EPC2: variants seen among roughly 807,000 people sequenced by gnomAD.
EPC2 encodes enhancer of polycomb homolog 2.
EPC2 carries 14 observed loss-of-function variants against 92.1 expected under a neutral mutation model. The ratio of observed to expected loss-of-function variants is 0.15; its 90% CI spans 0.10 to 0.24. The LOEUF (loss-of-function observed/expected upper bound fraction) is 0.24, where lower values mean the gene tolerates loss of function less well. Ranked by LOEUF, EPC2 falls within the 10% of genes least tolerant of loss-of-function variation. The probability of loss-of-function intolerance (pLI) is 1.00; values close to 1 mark genes in which losing one functional copy is unlikely to be tolerated. For synonymous variants in EPC2, 340 were observed against 334.7 expected (o/e 1.02, Z -0.17); for missense variants, 755 against 971.5 (o/e 0.78, Z 2.96).
At chr2:148,720,094 C>T (rs1043413069) in intron 2 of EPC2, among the ~76,000 whole-genome samples, 7 of 152,028 alleles carry the variant, frequency 4.6e-5, no homozygotes, top group Non-Finnish European at 7.4e-5. Flanking sequence ...GACACTTTGT[C>T]CCAGGGAGAG....
At chr2:148,695,222 A>AAC (rs1469929503) in intron 2 of EPC2, among the ~76,000 whole-genome samples, 1 of 152,230 alleles carries the variant, frequency 6.6e-6, no homozygotes, top group African/African-American at 2.4e-5. Flanking sequence ...ACAAACATAG[A>AAC]ACAGTAGACG....
intron 5 of EPC2, chr2:148,762,138 G>T: frequency 2.6e-6 from 1 of 382,670 alleles, no homozygotes; most frequent in Non-Finnish European, 4.6e-6. Context: ...AGAGTTTTGT[G>T]TATACTGTAG....
At chr2:148,713,671 C>T (rs1682200379) in intron 2 of EPC2, among the ~76,000 whole-genome samples, 1 of 152,010 alleles carries the variant, frequency 6.6e-6, no homozygotes, top group Non-Finnish European at 1.5e-5. Context: ...CATTTTTTAT[C>T]TTTTATACCA....
chr2:148,712,576 A>T (rs1229050697), intron 2 of EPC2, among the ~76,000 whole-genome samples: 1 of 152,204 alleles, frequency 6.6e-6, no homozygotes, highest in Non-Finnish European at 1.5e-5. Flanking sequence ...ACAAATCTGC[A>T]TTGCCAGTTA....
At chr2:148,742,571 A>C (rs1162439365) in intron 2 of EPC2, among the ~76,000 whole-genome samples, 1 of 152,044 alleles carries the variant, frequency 6.6e-6, no homozygotes, top group Non-Finnish European at 1.5e-5. Flanking sequence ...GCTTGAGCCC[A>C]GGAGTTCCAG....
chr2:148,645,351 G>A (rs769829271), intron 1 of EPC2, 181 bp downstream of exon 1: 9 of 569,848 alleles, frequency 1.6e-5, no homozygotes, highest in Non-Finnish European at 2.2e-5. Context: ...GCCCGCCCGC[G>A]GCCGCCATGT....
chr2:148,680,157 T>C (rs1355786510), intron 1 of EPC2, among the ~76,000 whole-genome samples: 1 of 152,092 alleles, frequency 6.6e-6, no homozygotes, highest in Non-Finnish European at 1.5e-5. Context: ...TCTGCCTCGC[T>C]TATTTATTTC....
At chr2:148,720,688 T>A (rs1198285018) in intron 2 of EPC2, among the ~76,000 whole-genome samples, 1 of 152,188 alleles carries the variant, frequency 6.6e-6, no homozygotes, top group African/African-American at 2.4e-5. Flanking sequence ...AAGCGTGGTT[T>A]CCCTGGGTCG....
At chr2:148,646,042 C>G (rs1161228045) in intron 1 of EPC2, among the ~76,000 whole-genome samples, 2 of 152,320 alleles carry the variant, frequency 1.3e-5, no homozygotes, top group East Asian at 3.9e-4. Context: ...TTAAATTTTG[C>G]AGACGGTTGG....
Position 148,771,209 on chromosome 2 carries a change from T to A in EPC2, c.1542T>A (p.Ser514=). Reference sequence around the variant, plus strand: ...ATTGTGAAAATAGACTGTCTCTTTCTGAAATATTAAGCAATATCAGATCAT... The same window carrying A: ...ATTGTGAAAATAGACTGTCTCTTTCAGAAATATTAAGCAATATCAGATCAT... ...SKHCENRLSL[S]EILSNIRSCR... is the part of the protein sequence containing the mutation. The change falls in exon 10 of 14, where the codon TCT becomes TCA. Residue 514 remains serine, a synonymous_variant. Coordinates refer to ENST00000258484, the MANE Select transcript of EPC2 (RefSeq NM_015630.4). 1 of 1,613,988 alleles carries A rather than the reference T, an allele frequency of 6.2e-7. No individual in the cohort carries two copies. The highest frequency in any genetic ancestry group is 8.5e-7 in the Non-Finnish European group (1 of 1,179,872).
At chr2:148,747,222 ACC>A (rs1683002130) in intron 3 of EPC2, among the ~76,000 whole-genome samples, 1 of 151,990 alleles carries the variant, frequency 6.6e-6, no homozygotes, top group Non-Finnish European at 1.5e-5. Flanking sequence ...CCATAGAAAG[ACC>A]ACTCCTGCCC....
chr2:148,712,240 T>G (rs772767795), intron 2 of EPC2, among the ~76,000 whole-genome samples: 89 of 151,096 alleles, frequency 5.9e-4, no homozygotes, highest in Middle Eastern at 3.4e-3. Flanking sequence ...TTTGTGTGTG[T>G]GGGGGTGTGT....
chr2:148,662,585 C>T (rs1036870786), intron 1 of EPC2, among the ~76,000 whole-genome samples: 13 of 151,564 alleles, frequency 8.6e-5, no homozygotes, highest in East Asian at 1.9e-4. Context: ...CCAAACACCG[C>T]GTGTTGTCAC....
rs918616776 is a variant in EPC2 at position 148,787,240 on chromosome 2, A to G, written c.*863A>G. ...TACTTTACCAGGTATGTATTGCATT[A>G]TATCATTGCAATAATTATTGGAAGT... is the stretch of plus-strand genomic sequence containing the variant. On this transcript the variant is annotated 3_prime_UTR_variant, in exon 14 of 14. Transcript: ENST00000258484. 2.7e-5 allele frequency: 4 copies of G among 150,290 alleles called. No individual in the cohort carries two copies. The highest frequency in any genetic ancestry group is 5.9e-5 in the Non-Finnish European group (4 of 67,560). The allele number at this position is 150,290 out of a possible 1,614,324, so 9.3% of individuals were successfully genotyped here. A position where few individuals can be genotyped will look rare whatever the true frequency, so the allele number is the denominator to read the frequency against.
At chr2:148,714,211 C>T (rs1026737478) in intron 2 of EPC2, among the ~76,000 whole-genome samples, 1 of 152,106 alleles carries the variant, frequency 6.6e-6, no homozygotes, top group Non-Finnish European at 1.5e-5. Context: ...TGGCTTCCAG[C>T]TCCATTCATG....
intron 1 of EPC2, among the ~76,000 whole-genome samples, chr2:148,669,909 A>T (rs747378113): frequency 6.6e-6 from 1 of 151,574 alleles, no homozygotes; most frequent in Non-Finnish European, 1.5e-5. Flanking sequence ...GTTCCCTCAG[A>T]CTCTTTTGGA....
chr2:148,663,604 T>C (rs1463843355), intron 1 of EPC2, among the ~76,000 whole-genome samples: 6 of 135,902 alleles, frequency 4.4e-5, no homozygotes, highest in Non-Finnish European at 9.4e-5. Context: ...TTTTTTTTTT[T>C]TTTTTTTTTT....
At chr2:148,683,125 T>A (rs1243663697) in intron 1 of EPC2, among the ~76,000 whole-genome samples, 1 of 152,074 alleles carries the variant, frequency 6.6e-6, no homozygotes, top group East Asian at 1.9e-4. Context: ...AGGTGGTGTT[T>A]GCTTGCTTGG....
At chr2:148,702,096 CT>C (rs1016799109) in intron 2 of EPC2, among the ~76,000 whole-genome samples, 11 of 148,348 alleles carry the variant, frequency 7.4e-5, no homozygotes, top group Admixed American at 2.0e-4. Flanking sequence ...CATTTGTCTT[CT>C]TTTTTTTTTC....
Sources: gnomAD v4.1 joint callset for allele counts (sites outside exome capture counted in the v4.1 genomes callset) on GRCh38, gnomAD v4.1.1 for gene constraint, MANE v1.5 for transcripts, NCBI Gene and HGNC (gene_info 2026-07-23, HGNC 2026-07-21) for gene names.